Variants in NMNAT3 observed in about 807,000 individuals in gnomAD.
NMNAT3 encodes nicotinamide/nicotinic acid mononucleotide adenylyltransferase 3.
Under a neutral mutation model 24.8 loss-of-function variants are expected in NMNAT3, and 21 were observed. The observed-to-expected ratio is 0.85, with a 90% CI of 0.60 to 1.22. NMNAT3 has a LOEUF of 1.22. Ranked by LOEUF, NMNAT3 falls within the 50% of genes most tolerant of loss-of-function variation. NMNAT3 has a pLI of 0.00. For missense variants in NMNAT3, 387 were observed against 436.6 expected, an observed-to-expected ratio of 0.89 and a Z score of 1.01; for synonymous variants, 136 against 155.2, an observed-to-expected ratio of 0.88 and a Z score of 0.92.
chr3:139,616,270 A>T lies in NMNAT3; in HGVS notation c.109+11346T>A, dbSNP rs180853354. On this transcript the variant is annotated intron_variant, in intron 3 of 6. Transcript: ENST00000643695. ...TCCAATACTAAATTCTTAACACTTAATGCTGGGGATCCTTCATCTTTTCTG... is the reference window on the plus strand; with the variant it reads ...TCCAATACTAAATTCTTAACACTTATTGCTGGGGATCCTTCATCTTTTCTG... Among the ~76,000 whole-genome samples the T allele has an allele frequency of 3.9e-5, 6 of 152,272 alleles. No homozygotes were observed. In the East Asian group the frequency reaches 1.2e-3, roughly 29 times the overall value.
intron 3 of NMNAT3, among the ~76,000 whole-genome samples, chr3:139,605,894 T>C (rs2054919609): frequency 7.8e-6 from 1 of 128,958 alleles, no homozygotes; most frequent in Non-Finnish European, 1.6e-5. Flanking sequence ...ATAACATTAC[T>C]ATTATTTTGG....
At chr3:139,580,411 C>T (rs1305366278) in intron 4 of NMNAT3, among the ~76,000 whole-genome samples, 1 of 152,142 alleles carries the variant, frequency 6.6e-6, no homozygotes, top group Admixed American at 6.5e-5. Flanking sequence ...CCATGAGCCA[C>T]CGTGCCCAGC....
At chr3:139,664,221 A>G (rs1448212983) in intron 1 of NMNAT3, among the ~76,000 whole-genome samples, 3 of 152,216 alleles carry the variant, frequency 2.0e-5, no homozygotes, top group Non-Finnish European at 1.5e-5. Context: ...ATTTAGGTCT[A>G]GCATCCCCAA....
intron 3 of NMNAT3, among the ~76,000 whole-genome samples, chr3:139,619,470 TGTGGTTATCATG>T (rs2055662072): frequency 1.3e-5 from 2 of 152,272 alleles, no homozygotes; most frequent in South Asian, 4.1e-4. Context: ...CTATGTACGC[TGTGGTTATCATG>T]GCCTTTGGGG....
At chr3:139,649,761 C>A (rs1221635699) in intron 1 of NMNAT3, among the ~76,000 whole-genome samples, 1 of 152,186 alleles carries the variant, frequency 6.6e-6, no homozygotes, top group Non-Finnish European at 1.5e-5. Flanking sequence ...CACACCCAAA[C>A]CACGCTTCAT....
chr3:139,587,615 A>G (rs1282117475), intron 3 of NMNAT3, among the ~76,000 whole-genome samples: 1 of 152,190 alleles, frequency 6.6e-6, no homozygotes, highest in Non-Finnish European at 1.5e-5. Flanking sequence ...GCTGAAAATT[A>G]AAAAGTTTAC....
intron 3 of NMNAT3, among the ~76,000 whole-genome samples, chr3:139,593,232 C>T (rs1271708646): frequency 6.6e-6 from 1 of 152,214 alleles, no homozygotes; most frequent in Non-Finnish European, 1.5e-5. Flanking sequence ...AAGGCCATTA[C>T]ATCATGGTAA....
In NMNAT3 at chr3:139,620,156, G is replaced by C. The variant is rs182148922; in HGVS notation, c.109+7460C>G. 5.4e-5 allele frequency among the ~76,000 whole-genome samples: 8 copies of C among 148,122 alleles called. No individual in the cohort carries two copies. The East Asian group carries it at 1.6e-3, about 29-fold the overall frequency. On this transcript the variant is annotated intron_variant, in intron 3 of 6. Coordinates refer to ENST00000643695, the MANE Select transcript of NMNAT3 (RefSeq NM_001320510.2). ...TATTTGTTGTGTCTTTTGCCCTAAA[G>C]AATGTATTGTATCTTATGTATAACT...
chr3:139,672,176 C>G (rs948380166), intron 1 of NMNAT3, among the ~76,000 whole-genome samples: 4 of 152,192 alleles, frequency 2.6e-5, no homozygotes, highest in Non-Finnish European at 5.9e-5. Flanking sequence ...GCTCTAACCC[C>G]TACACACCTG....
chr3:139,653,763 C>T (rs987313866), intron 1 of NMNAT3, among the ~76,000 whole-genome samples: 4 of 152,206 alleles, frequency 2.6e-5, no homozygotes, highest in Non-Finnish European at 5.9e-5. Flanking sequence ...CAAACCGTAG[C>T]TGCCTAGACT....
chr3:139,606,364 C>A (rs1303870216), intron 3 of NMNAT3, among the ~76,000 whole-genome samples: 1 of 152,154 alleles, frequency 6.6e-6, no homozygotes, highest in Non-Finnish European at 1.5e-5. Flanking sequence ...AGCTTATTCA[C>A]CTTAGGCAAG....
chr3:139,678,013 G>C (rs2057991036), upstream of NMNAT3: 1 of 151,532 alleles, frequency 6.6e-6, no homozygotes, highest in Non-Finnish European at 1.5e-5. Context: ...GCTGGGGCGG[G>C]CCCTAAGGAG....
At chr3:139,654,712 G>GA (rs1446119473) in intron 1 of NMNAT3, among the ~76,000 whole-genome samples, 3 of 152,252 alleles carry the variant, frequency 2.0e-5, no homozygotes, top group Admixed American at 1.3e-4. Flanking sequence ...TGCATTATAG[G>GA]ATTTATGTTA....
intron 3 of NMNAT3, among the ~76,000 whole-genome samples, chr3:139,608,391 A>C (rs1165924727): frequency 6.6e-6 from 1 of 152,172 alleles, no homozygotes; most frequent in Non-Finnish European, 1.5e-5. Context: ...GTACCTATAG[A>C]ATAGGAATGT....
chr3:139,609,389 C>T (rs2055092883), intron 3 of NMNAT3, among the ~76,000 whole-genome samples: 1 of 152,136 alleles, frequency 6.6e-6, no homozygotes, highest in African/African-American at 2.4e-5. Flanking sequence ...GCATTCCTTC[C>T]AAAATTTGAT....
intron 4 of NMNAT3, among the ~76,000 whole-genome samples, chr3:139,581,257 T>C (rs1940132555): frequency 6.6e-6 from 1 of 152,182 alleles, no homozygotes; most frequent in African/African-American, 2.4e-5. Context: ...CAAGAGGTAT[T>C]TTTGGGTCAA....
At chr3:139,644,234 A>G (rs1277829697) in intron 1 of NMNAT3, among the ~76,000 whole-genome samples, 2 of 152,216 alleles carry the variant, frequency 1.3e-5, no homozygotes, top group Admixed American at 6.5e-5. Flanking sequence ...AACACTAACA[A>G]TAAGGAAAAG....
intron 2 of NMNAT3, chr3:139,634,978 C>A (rs1160800698): frequency 6.6e-6 from 1 of 152,210 alleles, no homozygotes; most frequent in African/African-American, 2.4e-5. Flanking sequence ...ATCAACCTCC[C>A]TAAGGCTCAG....
chr3:139,624,569 C>T (rs993978056), intron 3 of NMNAT3, among the ~76,000 whole-genome samples: 5 of 152,016 alleles, frequency 3.3e-5, no homozygotes, highest in Non-Finnish European at 1.5e-5. Context: ...CTGCCTCAGC[C>T]TTCTGAGTAG....
Sources: gnomAD v4.1 joint callset for allele counts (sites outside exome capture counted in the v4.1 genomes callset) on GRCh38, gnomAD v4.1.1 for gene constraint, MANE v1.5 for transcripts, NCBI Gene and HGNC (gene_info 2026-07-23, HGNC 2026-07-21) for gene names.